Variants in DNAJC1 observed in about 807,000 individuals in gnomAD.
DNAJC1 encodes dnaJ homolog subfamily C member 1.
Under a neutral mutation model 76.6 loss-of-function variants are expected in DNAJC1, and 58 were observed. The ratio of observed to expected loss-of-function variants is 0.76; its 90% CI spans 0.61 to 0.94. The LOEUF (loss-of-function observed/expected upper bound fraction) is 0.94, where lower values mean the gene tolerates loss of function less well. DNAJC1 is among the 40% of genes least tolerant of loss of function. The probability of loss-of-function intolerance (pLI) is 0.00; values close to 1 mark genes in which losing one functional copy is unlikely to be tolerated. For missense variants in DNAJC1, 689 were observed against 677.3 expected (o/e 1.02, Z -0.19); for synonymous variants, 258 against 267.9 (o/e 0.96, Z 0.36).
chr10:21,782,040 G>C (rs186778075), intron 9 of DNAJC1, among the ~76,000 whole-genome samples: 1 of 152,060 alleles, frequency 6.6e-6, no homozygotes, highest in Non-Finnish European at 1.5e-5. Flanking sequence ...AAATAACTAA[G>C]ATCAGAGCAG....
At chr10:21,818,099 A>T (rs1207269005) in intron 8 of DNAJC1, among the ~76,000 whole-genome samples, 3 of 152,228 alleles carry the variant, frequency 2.0e-5, no homozygotes, top group African/African-American at 7.2e-5. Flanking sequence ...CGGGCGGAAC[A>T]GAGCCATATT....
At chr10:21,787,376 G>C (rs1415608793) in intron 9 of DNAJC1, among the ~76,000 whole-genome samples, 1 of 151,200 alleles carries the variant, frequency 6.6e-6, no homozygotes, top group Non-Finnish European at 1.5e-5. Flanking sequence ...AGGAGAGGAA[G>C]AGAAAAAAGA....
At chr10:21,822,176 G>T (rs561628581) in intron 8 of DNAJC1, among the ~76,000 whole-genome samples, 3 of 152,262 alleles carry the variant, frequency 2.0e-5, no homozygotes, top group African/African-American at 4.8e-5. Context: ...GCAGGGCACA[G>T]TGGCTCACAC....
intron 1 of DNAJC1, among the ~76,000 whole-genome samples, chr10:21,987,322 C>T (rs1157997755): frequency 6.6e-6 from 1 of 152,062 alleles, no homozygotes; most frequent in African/African-American, 2.4e-5. Flanking sequence ...AGCTCTAAAC[C>T]TTTAAGCACT....
chr10:21,858,990 T>A (rs1214190106), intron 8 of DNAJC1, among the ~76,000 whole-genome samples: 2 of 152,178 alleles, frequency 1.3e-5, no homozygotes, highest in African/African-American at 4.8e-5. Context: ...AAAAAAAGTA[T>A]ATCACCAACT....
intron 1 of DNAJC1, among the ~76,000 whole-genome samples, chr10:21,994,543 C>A (rs777323673): frequency 1.9e-4 from 29 of 152,272 alleles, no homozygotes; most frequent in Non-Finnish European, 3.5e-4. Flanking sequence ...AATCCCAGCA[C>A]TTTGGGAGGC....
At chr10:21,820,653 C>T (rs762475244) in intron 8 of DNAJC1, among the ~76,000 whole-genome samples, 17 of 152,292 alleles carry the variant, frequency 1.1e-4, no homozygotes, top group Admixed American at 2.6e-4. Flanking sequence ...TGGGCCCAGT[C>T]CCCAGGAGTT....
intron 11 of DNAJC1, among the ~76,000 whole-genome samples, chr10:21,758,192 C>A (rs1201166824): frequency 6.6e-6 from 1 of 152,078 alleles, no homozygotes; most frequent in Non-Finnish European, 1.5e-5. Flanking sequence ...CTGGATTTTC[C>A]AACATAGAAT....
intron 8 of DNAJC1, among the ~76,000 whole-genome samples, chr10:21,836,472 T>A (rs1327320605): frequency 2.0e-5 from 3 of 152,084 alleles, no homozygotes; most frequent in African/African-American, 7.2e-5. Flanking sequence ...AATTCACACA[T>A]AAAAATATTA....
chr10:21,866,253 C>A (rs1191991864), intron 8 of DNAJC1, among the ~76,000 whole-genome samples: 1 of 151,168 alleles, frequency 6.6e-6, no homozygotes, highest in East Asian at 1.9e-4. Context: ...GGAATGAATG[C>A]TTTAAATAAA....
chr10:21,889,496 T>C (rs1467936156), intron 7 of DNAJC1, among the ~76,000 whole-genome samples: 1 of 152,160 alleles, frequency 6.6e-6, no homozygotes, highest in East Asian at 1.9e-4. Context: ...ATAAAAAAGA[T>C]AAAAGAGTAA....
At chr10:21,925,335 T>C (rs1052034037) in intron 3 of DNAJC1, among the ~76,000 whole-genome samples, 7 of 152,148 alleles carry the variant, frequency 4.6e-5, no homozygotes, top group South Asian at 2.1e-4. Context: ...TGGTCCCCCA[T>C]TGAGTCAAAT....
intron 1 of DNAJC1, among the ~76,000 whole-genome samples, chr10:21,944,086 C>T (rs2131799997): frequency 6.6e-6 from 1 of 152,018 alleles, no homozygotes; most frequent in Non-Finnish European, 1.5e-5. Flanking sequence ...TAGTTATTAG[C>T]TTTCAACACT....
chr10:21,927,184 T>C (rs1383773038), intron 3 of DNAJC1, among the ~76,000 whole-genome samples: 1 of 152,214 alleles, frequency 6.6e-6, no homozygotes, highest in Non-Finnish European at 1.5e-5. Flanking sequence ...ATGTCTGCTA[T>C]GGTATCTGGA....
At chr10:21,933,309 GGA>G (rs1162262967) in intron 1 of DNAJC1, 1 of 152,576 alleles carries the variant, frequency 6.6e-6, no homozygotes, top group Non-Finnish European at 1.5e-5. Context: ...CCCTGATAGA[GGA>G]GGACCAGTCT....
intron 8 of DNAJC1, among the ~76,000 whole-genome samples, chr10:21,846,847 C>A (rs1835667834): frequency 6.6e-6 from 1 of 150,858 alleles, no homozygotes; most frequent in Non-Finnish European, 1.5e-5. Flanking sequence ...TAAACATTTC[C>A]ATATCAAAGA....
chr10:21,879,099 T>G (rs188322419), intron 8 of DNAJC1, among the ~76,000 whole-genome samples: 18 of 152,318 alleles, frequency 1.2e-4, no homozygotes, highest in Admixed American at 2.6e-4. Flanking sequence ...TCATCATCTT[T>G]GTGGAAGAGA....
At chr10:21,891,024 C>T (rs1246445122) in intron 7 of DNAJC1, among the ~76,000 whole-genome samples, 2 of 152,008 alleles carry the variant, frequency 1.3e-5, no homozygotes, top group African/African-American at 4.8e-5. Flanking sequence ...AACCCTGTCT[C>T]TACTAAAAAT....
chr10:21,904,818 A>G (rs953975868), intron 6 of DNAJC1, among the ~76,000 whole-genome samples: 7 of 152,002 alleles, frequency 4.6e-5, no homozygotes, highest in South Asian at 4.2e-4. Flanking sequence ...TTTTATGAGT[A>G]TAATTTTAAA....
Sources: allele counts gnomAD v4.1 joint callset (sites outside exome capture counted in the v4.1 genomes callset), GRCh38; gene constraint gnomAD v4.1.1; transcripts MANE v1.5; gene names NCBI Gene and HGNC (gene_info 2026-07-23, HGNC 2026-07-21).